USP6NL: variants seen among roughly 807,000 people sequenced by gnomAD.
The protein encoded by USP6NL is USP6 N-terminal like, also known as USP6 N-terminal-like protein.
In USP6NL, 26 loss-of-function variants were observed where a neutral mutation model predicts 61.9. The ratio of observed to expected loss-of-function variants is 0.42; its 90% confidence interval spans 0.31 to 0.58. USP6NL has a LOEUF of 0.58. Ranked by LOEUF, USP6NL falls within the 20% of genes least tolerant of loss-of-function variation. The probability of loss-of-function intolerance (pLI) is 0.16; values close to 1 mark genes in which losing one functional copy is unlikely to be tolerated. For missense variants in USP6NL, 1,114 were observed against 1,034.3 expected, an observed-to-expected ratio of 1.08 and a Z score of -1.06; for synonymous variants, 432 against 390.1, an observed-to-expected ratio of 1.11 and a Z score of -1.27.
chr10:11,462,299 T>G lies in USP6NL; in HGVS notation c.*142A>C. ...AGCATCTACGTGGGGCTGAAGACATTTCCCTGTATTCTTACTACTAACAGA... is the reference window on the plus strand; with the variant it reads ...AGCATCTACGTGGGGCTGAAGACATGTCCCTGTATTCTTACTACTAACAGA... On this transcript the variant is annotated 3_prime_UTR_variant, in exon 15 of 15. Coordinates refer to ENST00000609104, the MANE Select transcript of USP6NL (RefSeq NM_014688.5). 1.0e-6 allele frequency: 1 copy of G among 1,004,378 alleles called. No individual in the cohort carries two copies. The highest frequency in any genetic ancestry group is 1.4e-6 in the Non-Finnish European group (1 of 706,420). 62.2% of individuals were successfully genotyped at this position (1,004,378 alleles called of 1,614,324 possible). A position where few individuals can be genotyped will look rare whatever the true frequency, so the allele number is the denominator to read the frequency against.
rs1838312999 is a variant in USP6NL at position 11,595,929 on chromosome 10, T to C, written c.4+1702A>G. On this transcript the variant is annotated intron_variant, in intron 2 of 14. Transcript: ENST00000609104. This position sits in a 1 kb window ranked among gnomAD's most constrained non-coding sequence, Gnocchi z 5.3. ...AAAAATCTTGCAAATGAAATATAAA[T>C]ATTACAATTTAAAGGTGAAAAATGT... Among the ~76,000 whole-genome samples, 1 of 152,180 alleles carries C rather than the reference T, an allele frequency of 6.6e-6. No individual in the cohort carries two copies. The highest frequency in any genetic ancestry group is 2.1e-4 in the South Asian group (1 of 4,828).
rs1473530325 is a variant in USP6NL, at chr10:11,596,738, G to A, written c.4+893C>T. On this transcript the variant is annotated intron_variant, in intron 2 of 14. Coordinates refer to ENST00000609104, the MANE Select transcript of USP6NL (RefSeq NM_014688.5). This position sits in a 1 kb window ranked among gnomAD's most constrained non-coding sequence, Gnocchi z 4.1. ...TACCACTGAAAAGTCAAAAATCAAA[G>A]ACCGTTCCTTACAATATTATTCTTA... is the stretch of plus-strand genomic sequence containing the variant. Among the ~76,000 whole-genome samples, 1 of 151,498 alleles carries A rather than the reference G, an allele frequency of 6.6e-6. No individual in the cohort carries two copies. Among genetic ancestry groups the A allele is most frequent in the African/African-American group, 2.4e-5 (1 of 41,192 alleles).
rs1566139361 is a variant in USP6NL at position 11,501,088 on chromosome 10, T to G, written c.384+13A>C. 6.4e-7 allele frequency: 1 copy of G among 1,557,414 alleles called. No individual in the cohort carries two copies. The highest frequency in any genetic ancestry group is 2.0e-5 in the Admixed American group (1 of 49,224). ...TTTAATTTCAAAATAACAAGTTAGC[T>G]TTAGCTACTCACACTATACAGGTCC... On this transcript the variant is annotated intron_variant, in intron 7 of 14. Transcript: ENST00000609104.
At chr10:11,606,770 G>T (rs565211569) in intron 1 of USP6NL, among the ~76,000 whole-genome samples, 2 of 151,134 alleles carry the variant, frequency 1.3e-5, no homozygotes, top group East Asian at 3.9e-4. Flanking sequence ...CATAGAAGAG[G>T]TGAAGACAGA....
Position 11,518,965 on chromosome 10 carries a change from G to C in USP6NL, c.156-391C>G, listed in dbSNP as rs887290687. On this transcript the variant is annotated intron_variant, in intron 4 of 14. Transcript: ENST00000609104. This position sits in a 1 kb window ranked among gnomAD's most constrained non-coding sequence, Gnocchi z 5.3. ...TCCATCACTGCAGAAAGGTCCACTG[G>C]ACAGCACTGCTCCAGACTAGGAGTG... 1.2e-4 allele frequency among the ~76,000 whole-genome samples: 18 copies of C among 152,218 alleles called. No individual in the cohort carries two copies. The highest frequency in any genetic ancestry group is 5.2e-4 in the Admixed American group (8 of 15,280).
In USP6NL at chr10:11,574,163, T is replaced by C. The variant is rs1416047862; in HGVS notation, c.4+23468A>G. On this transcript the variant is annotated intron_variant, in intron 2 of 14. Coordinates refer to ENST00000609104, the MANE Select transcript of USP6NL (RefSeq NM_014688.5). This position sits in a 1 kb window ranked among gnomAD's most constrained non-coding sequence, Gnocchi z 4.3. ...ACTGTCGAAAGCCTTAATACTTTTTTCCAATTTCTCAAAAACCTTGTATTT... is the reference window on the plus strand; with the variant it reads ...ACTGTCGAAAGCCTTAATACTTTTTCCCAATTTCTCAAAAACCTTGTATTT... Among the ~76,000 whole-genome samples, 1 of 152,254 alleles carries C rather than the reference T, an allele frequency of 6.6e-6. No homozygotes were observed. Among genetic ancestry groups the C allele is most frequent in the Non-Finnish European group, 1.5e-5 (1 of 68,048 alleles).
chr10:11,472,822 T>C (rs573343383), intron 14 of USP6NL, among the ~76,000 whole-genome samples: 20 of 152,334 alleles, frequency 1.3e-4, no homozygotes, highest in Middle Eastern at 6.8e-3. Context: ...GGCTTGACTT[T>C]TTTTCCCAGC....
rs1415513850 is a variant in USP6NL at position 11,510,786 on chromosome 10, C to G, written c.196-1111G>C. On this transcript the variant is annotated intron_variant, in intron 5 of 14. Transcript: ENST00000609104. The surrounding 1 kb of genome is among the most constrained non-coding windows in gnomAD (Gnocchi z 4.8). ...TTGTCACCATTTTACAATGAGGAAA[C>G]AGGCACAAAGGGCTTAAGGGACTTG... Among the ~76,000 whole-genome samples, 1 of 152,232 alleles carries G rather than the reference C, an allele frequency of 6.6e-6. No individual in the cohort carries two copies. Among genetic ancestry groups the G allele is most frequent in the African/African-American group, 2.4e-5 (1 of 41,470 alleles).
intron 6 of USP6NL, among the ~76,000 whole-genome samples, chr10:11,502,505 C>A (rs902823476): frequency 6.6e-6 from 1 of 152,048 alleles, no homozygotes; most frequent in African/African-American, 2.4e-5. Context: ...ATAGCAGAAG[C>A]CCTTCAGGTA....
chr10:11,563,493 A>C (rs574900843), intron 2 of USP6NL: 15 of 152,148 alleles, frequency 9.9e-5, no homozygotes, highest in Non-Finnish European at 2.2e-4. Flanking sequence ...AAGTCTGTGG[A>C]TTGTACCAAT....
rs758985442 is a variant in USP6NL, at chr10:11,575,985, A to G, written c.4+21646T>C. ...AGATTCATCAGTTAATTTCCTAACT[A>G]TGACCACTGCACTGTAGTTATGTAA... On this transcript the variant is annotated intron_variant, in intron 2 of 14. Transcript: ENST00000609104. This position sits in a 1 kb window ranked among gnomAD's most constrained non-coding sequence, Gnocchi z 4.2. Among the ~76,000 whole-genome samples, 2 of 152,152 alleles carry G rather than the reference A, an allele frequency of 1.3e-5. No homozygotes were observed. Among genetic ancestry groups the G allele is most frequent in the African/African-American group, 4.8e-5 (2 of 41,440 alleles).
chr10:11,606,662 A>T (rs1432852606), intron 1 of USP6NL, among the ~76,000 whole-genome samples: 1 of 152,254 alleles, frequency 6.6e-6, no homozygotes, highest in African/African-American at 2.4e-5. Context: ...ACACTAAAGG[A>T]ATAGTACAAG....
intron 4 of USP6NL, among the ~76,000 whole-genome samples, chr10:11,523,580 T>C (rs754972849): frequency 3.3e-5 from 5 of 152,124 alleles, no homozygotes; most frequent in Non-Finnish European, 7.3e-5. Context: ...CACTTAAAAT[T>C]TTACATTGGA....
At position 11,587,957 on chromosome 10, in the gene USP6NL, T is replaced by G. The variant is rs1239991751; in HGVS notation, c.4+9674A>C. Among the ~76,000 whole-genome samples the G allele has an allele frequency of 6.6e-6, 1 of 152,250 alleles. No homozygotes were observed. Among genetic ancestry groups the G allele is most frequent in the Admixed American group, 6.5e-5 (1 of 15,280 alleles). The stretch of plus-strand genomic sequence containing the variant: ...ATTCAAGTAGAAATGGGGAATTTTC[T>G]ACTAAACAGCTAAACGTGAAGGAAA... On this transcript the variant is annotated intron_variant, in intron 2 of 14. Transcript: ENST00000609104. The surrounding 1 kb of genome is among the most constrained non-coding windows in gnomAD (Gnocchi z 4.5).
At position 11,598,939 on chromosome 10, in the gene USP6NL, T is replaced by C. The variant is rs1838418744; in HGVS notation, c.-83-1222A>G. On this transcript the variant is annotated intron_variant, in intron 1 of 14. Coordinates refer to ENST00000609104, the MANE Select transcript of USP6NL (RefSeq NM_014688.5). This position sits in a 1 kb window ranked among gnomAD's most constrained non-coding sequence, Gnocchi z 4.7. ...ATCACAGTGCTGCCACGTAATACCC[T>C]GACCCCCAACCCACATGCTTTCCTC... is the stretch of plus-strand genomic sequence containing the variant. 6.6e-6 allele frequency among the ~76,000 whole-genome samples: 1 copy of C among 152,234 alleles called. No individual in the cohort carries two copies. Among genetic ancestry groups the C allele is most frequent in the Admixed American group, 6.5e-5 (1 of 15,276 alleles).
At chr10:11,545,850 A>G (rs1221460881) in intron 2 of USP6NL, among the ~76,000 whole-genome samples, 5 of 149,398 alleles carry the variant, frequency 3.3e-5, no homozygotes, top group African/African-American at 9.7e-5. Context: ...TTGTATTTGC[A>G]TATGACACTG....
In USP6NL at chr10:11,490,901, T is replaced by G; in HGVS notation, c.495-21A>C. ...GTTGCCTAGAGAAAAAAATTTACATTAAATACAATTTAGTAATTTCACATA... is the reference window on the plus strand; with the variant it reads ...GTTGCCTAGAGAAAAAAATTTACATGAAATACAATTTAGTAATTTCACATA... On this transcript the variant is annotated intron_variant, in intron 8 of 14. Transcript: ENST00000609104. This position sits in a 1 kb window ranked among gnomAD's most constrained non-coding sequence, Gnocchi z 4.5. 2 of 1,518,962 alleles carry G rather than the reference T, an allele frequency of 1.3e-6. No homozygotes were observed. Among genetic ancestry groups the G allele is most frequent in the Non-Finnish European group, 1.8e-6 (2 of 1,134,580 alleles). 94.1% of individuals were successfully genotyped at this position (1,518,962 alleles called of 1,614,324 possible).
chr10:11,544,321 C>T (rs1836189180), intron 2 of USP6NL, among the ~76,000 whole-genome samples: 1 of 152,186 alleles, frequency 6.6e-6, no homozygotes, highest in Non-Finnish European at 1.5e-5. Context: ...TCAATTTCCA[C>T]ATAAAATACC....
intron 2 of USP6NL, among the ~76,000 whole-genome samples, chr10:11,546,586 G>A (rs1836280747): frequency 6.6e-6 from 1 of 152,012 alleles, no homozygotes; most frequent in South Asian, 2.1e-4. Context: ...TGTTGTTGTT[G>A]TTGTTGTTTT....
Sources: allele counts gnomAD v4.1 joint callset (sites outside exome capture counted in the v4.1 genomes callset), GRCh38; gene constraint gnomAD v4.1.1; non-coding constraint Gnocchi (gnomAD v3.1); transcripts MANE v1.5; gene names NCBI Gene and HGNC (gene_info 2026-07-23, HGNC 2026-07-21).